The following CPLX4 variants were observed in gnomAD, a reference collection of about 807,000 sequenced individuals.
CPLX4 encodes the protein complexin 4, also known as complexin-4.
A neutral mutation model predicts 16.1 loss-of-function variants in CPLX4; 17 were observed. The ratio of observed to expected loss-of-function variants is 1.06; its 90% CI spans 0.72 to 1.59. The LOEUF (loss-of-function observed/expected upper bound fraction) is 1.59. Among genes scored for constraint, CPLX4 ranks in the 40% most tolerant of loss-of-function variants. CPLX4 has a pLI of 0.00. For missense variants in CPLX4, 193 were observed against 192.9 expected (o/e 1.00, Z 0.00); for synonymous variants, 55 against 57.8 (o/e 0.95, Z 0.22).
chr18:59,307,845 G>A (rs750083606), intron 2 of CPLX4, among the ~76,000 whole-genome samples: 5 of 147,716 alleles, frequency 3.4e-5, no homozygotes, highest in Non-Finnish European at 5.9e-5. Context: ...TCTGCATCCC[G>A]GGTTCCAGCA....
chr18:59,318,138 G>A (rs763314589), intron 1 of CPLX4, among the ~76,000 whole-genome samples, 158 bp downstream of exon 1: 6 of 152,070 alleles, frequency 3.9e-5, no homozygotes, highest in Non-Finnish European at 7.4e-5. Context: ...TTAGGGAACC[G>A]TTTACTTTAG....
At chr18:59,301,654 T>C (rs559761739) in intron 2 of CPLX4, among the ~76,000 whole-genome samples, 1 of 152,356 alleles carries the variant, frequency 6.6e-6, no homozygotes, top group East Asian at 1.9e-4. Flanking sequence ...TCCTAACTAA[T>C]TGAGCTAGCC....
At chr18:59,304,718 T>C (rs1382237315) in intron 2 of CPLX4, among the ~76,000 whole-genome samples, 2 of 152,058 alleles carry the variant, frequency 1.3e-5, no homozygotes, top group Admixed American at 6.6e-5. Flanking sequence ...ATTACAGGCA[T>C]GCGCCACCAT....
At chr18:59,315,408 TC>T (rs2070644890) in intron 1 of CPLX4, among the ~76,000 whole-genome samples, 1 of 152,192 alleles carries the variant, frequency 6.6e-6, no homozygotes, top group Admixed American at 6.6e-5. Flanking sequence ...TTATAGGAGT[TC>T]TTCATATTTC....
intron 2 of CPLX4, among the ~76,000 whole-genome samples, chr18:59,311,539 G>C (rs1356082760): frequency 1.3e-5 from 2 of 152,218 alleles, no homozygotes; most frequent in Non-Finnish European, 2.9e-5. Flanking sequence ...GCACTTTCTA[G>C]ACCACCCAGA....
At chr18:59,306,892 C>T (rs186079270) in intron 2 of CPLX4, among the ~76,000 whole-genome samples, 140 of 152,256 alleles carry the variant, frequency 9.2e-4, no homozygotes, top group African/African-American at 3.2e-3. Context: ...TTAAATTCGT[C>T]CAATTCCCTG....
intron 2 of CPLX4, among the ~76,000 whole-genome samples, chr18:59,297,997 G>A (rs1164235673): frequency 8.5e-5 from 13 of 152,182 alleles, no homozygotes; most frequent in African/African-American, 2.7e-4. Context: ...TGTTGCTGAC[G>A]CTGTCACAAG....
chr18:59,309,921 T>C (rs374580492), intron 2 of CPLX4, among the ~76,000 whole-genome samples: 1 of 152,034 alleles, frequency 6.6e-6, no homozygotes, highest in East Asian at 1.9e-4. Flanking sequence ...AACAAGCTGC[T>C]CTTTTTCATG....
chr18:59,309,844 A>G (rs6567077), intron 2 of CPLX4, among the ~76,000 whole-genome samples: 26 of 42,668 alleles, frequency 6.1e-4, no homozygotes, highest in Admixed American at 8.6e-4. Context: ...AAAAAAAAAG[A>G]AAAAGAAAAA....
Position 59,295,858 on chromosome 18 carries a change from CAGAG to C in CPLX4, c.*836_*839del, listed in dbSNP as rs939835814. On this transcript the variant is annotated 3_prime_UTR_variant, in exon 3 of 3. Coordinates refer to ENST00000299721, the MANE Select transcript of CPLX4 (RefSeq NM_181654.4). ...AAGAGAGAGAGAGGTTGGGAGGAGA[CAGAG>C]AGAGATTGATTTAACTTCTTAATGC... The C allele has an allele frequency of 6.6e-6, 1 of 151,962 alleles. No individual in the cohort carries two copies. The highest frequency in any genetic ancestry group is 1.5e-5 in the Non-Finnish European group (1 of 67,978). The allele number at this position is 151,962 out of a possible 1,614,324, so 9.4% of individuals were successfully genotyped here.
At chr18:59,308,258 C>A (rs1049723140) in intron 2 of CPLX4, among the ~76,000 whole-genome samples, 3 of 152,084 alleles carry the variant, frequency 2.0e-5, no homozygotes, top group Non-Finnish European at 4.4e-5. Context: ...TTCTGCCCCC[C>A]ATAAGCTTCA....
chr18:59,309,313 C>T (rs1160037972), intron 2 of CPLX4, among the ~76,000 whole-genome samples: 1 of 152,150 alleles, frequency 6.6e-6, no homozygotes, highest in Non-Finnish European at 1.5e-5. Flanking sequence ...GAGGGGGTCC[C>T]CACCTGGAAG....
chr18:59,313,200 C>T (rs879290204), intron 1 of CPLX4, among the ~76,000 whole-genome samples: 1 of 152,112 alleles, frequency 6.6e-6, no homozygotes, highest in African/African-American at 2.4e-5. Context: ...GCAAGCTCCC[C>T]GAGTGATTCT....
At chr18:59,299,886 C>G (rs968881159) in intron 2 of CPLX4, among the ~76,000 whole-genome samples, 20 of 152,222 alleles carry the variant, frequency 1.3e-4, no homozygotes, top group Admixed American at 1.3e-3. Context: ...GCCTCGCAAT[C>G]TGTGATTTAA....
intron 2 of CPLX4, among the ~76,000 whole-genome samples, chr18:59,306,428 G>A (rs1419578941): frequency 6.6e-6 from 1 of 152,168 alleles, no homozygotes; most frequent in Non-Finnish European, 1.5e-5. Context: ...TTTGATTACT[G>A]CCCTTATTTA....
rs2144183089 is a variant in CPLX4 at position 59,304,346 on chromosome 18, A to G, written c.256-7421T>C. On this transcript the variant is annotated intron_variant, in intron 2 of 2. Coordinates refer to ENST00000299721, the MANE Select transcript of CPLX4 (RefSeq NM_181654.4). ...CATTTTAAATTGGCCAGGGAGAGGA[A>G]CACATTTGCTTTTAGAAAGAATCTT... Among the ~76,000 whole-genome samples the G allele has an allele frequency of 1.3e-5, 2 of 152,308 alleles. 1 individual carries two copies.
At chr18:59,311,191 T>C (rs373197746) in intron 2 of CPLX4, among the ~76,000 whole-genome samples, 3 of 152,188 alleles carry the variant, frequency 2.0e-5, no homozygotes, top group East Asian at 1.9e-4. Context: ...GGACAGTGTT[T>C]AGAAGTGCTT....
intron 2 of CPLX4, among the ~76,000 whole-genome samples, chr18:59,306,175 T>A (rs1412010756): frequency 6.6e-6 from 1 of 152,170 alleles, no homozygotes; most frequent in African/African-American, 2.4e-5. Flanking sequence ...AGATTTGACC[T>A]CCTTTATTAA....
chr18:59,309,845 A>G lies in CPLX4; in HGVS notation c.255+2840T>C, dbSNP rs28709216. Among the ~76,000 whole-genome samples the G allele has an allele frequency of 7.8e-4, 54 of 69,592 alleles. 1 individual carries two copies. The highest frequency in any genetic ancestry group is 2.8e-3 in the African/African-American group (51 of 18,452). The allele number at this position is 69,592 out of a possible 152,430, so 45.7% of individuals were successfully genotyped here. A position where few individuals can be genotyped will look rare whatever the true frequency, so the allele number is the denominator to read the frequency against. On this transcript the variant is annotated intron_variant, in intron 2 of 2. Transcript: ENST00000299721. ...GTCAAAAAAAAAAAAAAAAAAAAGA[A>G]AAAGAAAAAAAGAGTAGAAAGAACA...
Sources: allele counts gnomAD v4.1 joint callset (sites outside exome capture counted in the v4.1 genomes callset), GRCh38; gene constraint gnomAD v4.1.1; transcripts MANE v1.5; gene names NCBI Gene and HGNC (gene_info 2026-07-23, HGNC 2026-07-21).